ACYP2: variants seen among roughly 807,000 people sequenced by gnomAD.
ACYP2 encodes the protein acylphosphatase 2, also known as acylphosphatase-2.
ACYP2 carries 12 observed loss-of-function variants against 11.2 expected under a neutral mutation model. The ratio of observed to expected loss-of-function variants is 1.08; its 90% CI spans 0.69 to 1.74. ACYP2 has a LOEUF of 1.74. Among genes scored for constraint, ACYP2 ranks in the 40% most tolerant of loss-of-function variants. ACYP2 has a pLI of 0.00. For synonymous variants in ACYP2, 43 were observed against 32.2 expected (o/e 1.33, Z -1.13); for missense variants, 134 against 101.9 (o/e 1.31, Z -1.35).
chr2:54,105,823 C>A (rs1200476877), intron 4 of ACYP2, among the ~76,000 whole-genome samples: 3 of 151,890 alleles, frequency 2.0e-5, no homozygotes. Flanking sequence ...TCACCTTCTC[C>A]CCAGCACCTA....
At chr2:54,183,879 A>G (rs923186740) in intron 6 of ACYP2, among the ~76,000 whole-genome samples, 1 of 152,176 alleles carries the variant, frequency 6.6e-6, no homozygotes, top group African/African-American at 2.4e-5. Context: ...GTGATCATCT[A>G]GTTATCAAGG....
Position 54,305,070 on chromosome 2 carries a change from T to A in ACYP2, c.*268T>A. ...AATTTAAACTTGTCTCATGGAATCT[T>A]TAATTTCAATGAACATTACAGCATA... On this transcript the variant is annotated 3_prime_UTR_variant, in exon 7 of 7. Transcript: ENST00000607452. 4.1e-6 allele frequency: 1 copy of A among 243,064 alleles called. No individual in the cohort carries two copies. Among genetic ancestry groups the A allele is most frequent in the Non-Finnish European group, 7.9e-6 (1 of 126,896 alleles). 15.1% of individuals were successfully genotyped at this position (243,064 alleles called of 1,614,324 possible).
intron 2 of ACYP2, chr2:53,973,853 A>ATGTGTG (rs1327140471): frequency 5.3e-5 from 6 of 113,394 alleles, no homozygotes; most frequent in East Asian, 1.4e-4. Context: ...TGGGATATAT[A>ATGTGTG]TATGTGTGTG....
intron 2 of ACYP2, among the ~76,000 whole-genome samples, chr2:54,044,103 C>A (rs1675387553): frequency 6.6e-6 from 1 of 152,144 alleles, no homozygotes; most frequent in African/African-American, 2.4e-5. Context: ...TCCAAACACT[C>A]CCCTGCAACA....
chr2:54,238,168 T>G (rs533729246), intron 6 of ACYP2, among the ~76,000 whole-genome samples: 25 of 152,338 alleles, frequency 1.6e-4, no homozygotes, highest in African/African-American at 4.3e-4. Flanking sequence ...TCTCCCATAT[T>G]GTTCTCTAAC....
chr2:54,056,273 A>G (rs1366915884), intron 3 of ACYP2, among the ~76,000 whole-genome samples: 2 of 152,198 alleles, frequency 1.3e-5, no homozygotes, highest in Non-Finnish European at 2.9e-5. Flanking sequence ...AGCAAAGAAG[A>G]TATCACCATT....
At chr2:54,090,814 G>T (rs1289380588) in intron 4 of ACYP2, among the ~76,000 whole-genome samples, 3 of 152,000 alleles carry the variant, frequency 2.0e-5, no homozygotes, top group Non-Finnish European at 4.4e-5. Flanking sequence ...ATTGTCCTGG[G>T]CCACTCCATG....
intron 4 of ACYP2, among the ~76,000 whole-genome samples, chr2:54,122,090 T>C (rs560895504): frequency 6.6e-5 from 10 of 152,356 alleles, no homozygotes; most frequent in Admixed American, 2.0e-4. Context: ...CAATTAAAGA[T>C]ATTTACAGTC....
intron 6 of ACYP2, among the ~76,000 whole-genome samples, chr2:54,223,432 C>G (rs952289096): frequency 1.3e-5 from 2 of 152,126 alleles, no homozygotes; most frequent in African/African-American, 4.8e-5. Flanking sequence ...TGGATATAAG[C>G]TTTTTCTGTA....
intron 6 of ACYP2, among the ~76,000 whole-genome samples, chr2:54,157,981 G>A (rs979094701): frequency 3.9e-5 from 6 of 152,036 alleles, no homozygotes; most frequent in African/African-American, 1.4e-4. Flanking sequence ...GAAAACAACA[G>A]GAAAACCAAC....
At chr2:54,030,448 A>G (rs531731535) in intron 2 of ACYP2, 1 of 161,052 alleles carries the variant, frequency 6.2e-6, no homozygotes, top group Admixed American at 6.4e-5. Context: ...TGATTTCCCT[A>G]GGTTTAACTA....
intron 4 of ACYP2, among the ~76,000 whole-genome samples, chr2:54,129,353 G>A (rs957095664): frequency 1.3e-5 from 2 of 151,788 alleles, no homozygotes; most frequent in African/African-American, 4.8e-5. Context: ...GGCTGATCTC[G>A]AACTCCTGGG....
At chr2:54,271,376 T>C (rs565220364) in intron 6 of ACYP2, among the ~76,000 whole-genome samples, 1 of 152,330 alleles carries the variant, frequency 6.6e-6, no homozygotes, top group Admixed American at 6.5e-5. Context: ...ATCACTATTG[T>C]AGAACCTACG....
At chr2:54,212,799 A>T (rs1419467299) in intron 6 of ACYP2, among the ~76,000 whole-genome samples, 2 of 150,676 alleles carry the variant, frequency 1.3e-5, no homozygotes, top group African/African-American at 2.4e-5. Context: ...GAGTAAATAT[A>T]TTCTTGTACA....
chr2:54,054,131 T>C (rs560290346), intron 3 of ACYP2, among the ~76,000 whole-genome samples: 1 of 152,338 alleles, frequency 6.6e-6, no homozygotes, highest in Non-Finnish European at 1.5e-5. Flanking sequence ...GAACAGCTTC[T>C]GAGTGCCTAT....
intron 6 of ACYP2, among the ~76,000 whole-genome samples, chr2:54,235,434 C>T (rs933154662): frequency 4.6e-5 from 7 of 152,066 alleles, no homozygotes; most frequent in Admixed American, 6.6e-5. Flanking sequence ...CTGCAAGCTC[C>T]GCCTCCCGGG....
At chr2:54,272,739 C>G (rs746952456) in intron 6 of ACYP2, among the ~76,000 whole-genome samples, 5 of 152,196 alleles carry the variant, frequency 3.3e-5, no homozygotes, top group Non-Finnish European at 5.9e-5. Flanking sequence ...CCTTGAGTTG[C>G]TTATATTGCT....
chr2:54,212,426 T>A (rs1242251448), intron 6 of ACYP2, among the ~76,000 whole-genome samples: 1 of 152,198 alleles, frequency 6.6e-6, no homozygotes, highest in Non-Finnish European at 1.5e-5. Flanking sequence ...AATCTCCTTT[T>A]CCCTGCACGG....
chr2:54,051,184 C>A, intron 3 of ACYP2: 2 of 724,318 alleles, frequency 2.8e-6, no homozygotes, highest in Non-Finnish European at 5.0e-6. Flanking sequence ...GGCGACTCTG[C>A]CTCACTGAGG....
Sources: gnomAD v4.1 joint callset for allele counts (sites outside exome capture counted in the v4.1 genomes callset) on GRCh38, gnomAD v4.1.1 for gene constraint, MANE v1.5 for transcripts, NCBI Gene and HGNC (gene_info 2026-07-23, HGNC 2026-07-21) for gene names.